MAPKAPK5: variants seen among roughly 807,000 people sequenced by gnomAD.
MAPKAPK5 encodes the protein MAP kinase-activated protein kinase 5.
A neutral mutation model predicts 65.1 loss-of-function variants in MAPKAPK5; 30 were observed. The observed-to-expected ratio is 0.46, with a 90% confidence interval of 0.34 to 0.63. MAPKAPK5 has a LOEUF of 0.63. Ranked by LOEUF, MAPKAPK5 falls within the 20% of genes least tolerant of loss-of-function variation. MAPKAPK5 has a pLI of 0.01. For missense variants in MAPKAPK5, 433 were observed against 581.4 expected (o/e 0.74, Z 2.63); for synonymous variants, 179 against 204.6 (o/e 0.87, Z 1.07).
At chr12:111,873,363 G>A (rs1265482199) in intron 7 of MAPKAPK5, among the ~76,000 whole-genome samples, 1 of 152,006 alleles carries the variant, frequency 6.6e-6, no homozygotes, top group Non-Finnish European at 1.5e-5. Flanking sequence ...TTTTTGAGAC[G>A]GAGTTTCATT....
chr12:111,855,349 G>A (rs1164797904), intron 1 of MAPKAPK5, among the ~76,000 whole-genome samples: 7 of 151,988 alleles, frequency 4.6e-5, no homozygotes, highest in African/African-American at 1.7e-4. Flanking sequence ...ACATTTTAAA[G>A]GTAGAAGGTT....
intron 7 of MAPKAPK5, 34 bp from the exon 8 acceptor site, chr12:111,880,413 A>G: frequency 6.4e-7 from 1 of 1,573,408 alleles, no homozygotes; most frequent in Non-Finnish European, 8.7e-7. Context: ...TGTGATTTTC[A>G]TTAAATGGTC....
At position 111,900,860 on chromosome 12, in the gene MAPKAPK5, T is replaced by A. The variant is rs2071022500; in HGVS notation, c.*7799T>A. On this transcript the variant is annotated 3_prime_UTR_variant, in exon 14 of 14. Transcript: ENST00000550735. ...CAATTTACGAGTGCCTTAAAGTTCA[T>A]TGTATGGACCCTAATAATCAGTGCT... The A allele has an allele frequency of 4.4e-6, 2 of 455,962 alleles. No homozygotes were observed. The highest frequency in any genetic ancestry group is 4.0e-5 in the African/African-American group (2 of 50,066). The allele number at this position is 455,962 out of a possible 1,614,324, so 28.2% of individuals were successfully genotyped here. A position where few individuals can be genotyped will look rare whatever the true frequency, so the allele number is the denominator to read the frequency against.
intron 13 of MAPKAPK5, among the ~76,000 whole-genome samples, chr12:111,891,342 T>C (rs2070601181): frequency 6.6e-6 from 1 of 150,950 alleles, no homozygotes; most frequent in African/African-American, 2.4e-5. Context: ...CCTCAAGTGA[T>C]CCACCCACCT....
At chr12:111,887,795 TC>T (rs2070454700) in intron 10 of MAPKAPK5, 1 of 150,586 alleles carries the variant, frequency 6.6e-6, no homozygotes, top group Non-Finnish European at 1.5e-5. Context: ...GATGTATACT[TC>T]CTGATCGTTT....
chr12:111,871,483 A>T (rs955743330), intron 7 of MAPKAPK5, among the ~76,000 whole-genome samples: 5 of 152,072 alleles, frequency 3.3e-5, no homozygotes, highest in African/African-American at 7.2e-5. Context: ...TACTAAAAAA[A>T]ATATAAAAAA....
At chr12:111,872,625 G>A (rs2069819307) in intron 7 of MAPKAPK5, among the ~76,000 whole-genome samples, 2 of 152,128 alleles carry the variant, frequency 1.3e-5, no homozygotes, top group African/African-American at 4.8e-5. Context: ...AGTCTGAAAT[G>A]GTACTCAGTG....
intron 1 of MAPKAPK5, among the ~76,000 whole-genome samples, chr12:111,862,822 A>G (rs577684813): frequency 9.2e-5 from 14 of 152,346 alleles, no homozygotes; most frequent in African/African-American, 2.9e-4. Context: ...CATAGAGTCT[A>G]CTGTGAGTGT....
intron 10 of MAPKAPK5, among the ~76,000 whole-genome samples, chr12:111,886,312 C>A (rs2070402459): frequency 6.6e-6 from 1 of 152,196 alleles, no homozygotes; most frequent in Non-Finnish European, 1.5e-5. Flanking sequence ...GTTTAAGATA[C>A]CCTCCCTTTC....
At chr12:111,856,988 T>C (rs1200152652) in intron 1 of MAPKAPK5, among the ~76,000 whole-genome samples, 1 of 152,156 alleles carries the variant, frequency 6.6e-6, no homozygotes, top group Non-Finnish European at 1.5e-5. Flanking sequence ...TTTATGAGGA[T>C]TATAATATGC....
intron 8 of MAPKAPK5, among the ~76,000 whole-genome samples, chr12:111,882,333 T>A (rs887773281): frequency 3.9e-5 from 6 of 152,088 alleles, no homozygotes; most frequent in African/African-American, 1.4e-4. Context: ...TGAGCTGAGA[T>A]CGCGCCACTG....
At chr12:111,847,162 T>G (rs1277602411) in intron 1 of MAPKAPK5, among the ~76,000 whole-genome samples, 1 of 151,536 alleles carries the variant, frequency 6.6e-6, no homozygotes, top group Non-Finnish European at 1.5e-5. Context: ...GCCAACATTG[T>G]GAAACCCCCA....
chr12:111,861,094 T>C (rs1288379968), intron 1 of MAPKAPK5, among the ~76,000 whole-genome samples: 4 of 151,106 alleles, frequency 2.6e-5, no homozygotes, highest in Non-Finnish European at 5.9e-5. Context: ...GAGGTGGAGG[T>C]TGGCGTGAGC....
chr12:111,876,775 CCTTCCCTT>C (rs1349092227), intron 7 of MAPKAPK5, among the ~76,000 whole-genome samples: 9 of 151,634 alleles, frequency 5.9e-5, no homozygotes, highest in African/African-American at 2.2e-4. Flanking sequence ...TTCTGCTTTC[CCTTCCCTT>C]CTTCCCTTCT....
At chr12:111,867,787 C>T (rs748818761) in intron 4 of MAPKAPK5, 118 bp downstream of exon 4, 11 of 737,594 alleles carry the variant, frequency 1.5e-5, no homozygotes, top group Non-Finnish European at 2.3e-5. Context: ...ACCCTCGCTT[C>T]CTCTGCCCTT....
intron 10 of MAPKAPK5, among the ~76,000 whole-genome samples, chr12:111,886,668 C>T (rs1182027784): frequency 6.6e-6 from 1 of 152,238 alleles, no homozygotes; most frequent in Non-Finnish European, 1.5e-5. Flanking sequence ...AATTTGGCCT[C>T]ACTAATGGGA....
chr12:111,875,489 T>C (rs2069933434), intron 7 of MAPKAPK5, among the ~76,000 whole-genome samples: 1 of 152,162 alleles, frequency 6.6e-6, no homozygotes, highest in South Asian at 2.1e-4. Flanking sequence ...TTTACAGTCT[T>C]GGCCCCCCCT....
At chr12:111,884,973 T>C (rs12296574) in intron 9 of MAPKAPK5, among the ~76,000 whole-genome samples, 29,853 of 152,144 alleles carry the variant, frequency 0.2, 3,144 homozygotes, top group Middle Eastern at 0.27. Context: ...GTGGGTGCAA[T>C]GATTAAATCA....
intron 7 of MAPKAPK5, among the ~76,000 whole-genome samples, chr12:111,878,179 CT>C (rs950407970): frequency 5.9e-5 from 9 of 151,926 alleles, no homozygotes; most frequent in Non-Finnish European, 1.2e-4. Flanking sequence ...TATCAGAAAA[CT>C]TTTTTAAGGC....
Sources: allele counts gnomAD v4.1 joint callset (sites outside exome capture counted in the v4.1 genomes callset), GRCh38; gene constraint gnomAD v4.1.1; transcripts MANE v1.5; gene names NCBI Gene and HGNC (gene_info 2026-07-23, HGNC 2026-07-21).